The following ZKSCAN1 variants were observed in gnomAD, a reference collection of about 807,000 sequenced individuals.
ZKSCAN1 encodes zinc finger protein with KRAB and SCAN domains 1.
In ZKSCAN1, 14 loss-of-function variants were observed where a neutral mutation model predicts 51.6. That is an observed-to-expected ratio of 0.27 (90% CI 0.18 to 0.42). ZKSCAN1 has a LOEUF of 0.42. Among genes scored for constraint, ZKSCAN1 ranks in the 10% least tolerant of loss-of-function variants. ZKSCAN1 has a pLI of 1.00. For missense variants in ZKSCAN1, 531 were observed against 710.0 expected (o/e 0.75, Z 2.86); for synonymous variants, 263 against 261.5 (o/e 1.01, Z -0.06).
In ZKSCAN1 at chr7:100,036,642, C is replaced by A. The variant is rs1418992200; in HGVS notation, c.*2445C>A. The stretch of plus-strand genomic sequence containing the variant: ...CTGAGGCAGGAGAATCACTTGAACC[C>A]AGGAGGCAGAGGTTGCAGTGAGCCA... On this transcript the variant is annotated 3_prime_UTR_variant, in exon 6 of 6. Transcript: ENST00000324306. The A allele has an allele frequency of 1.7e-5, 14 of 826,036 alleles. No homozygotes were observed. The highest frequency in any genetic ancestry group is 2.0e-5 in the Non-Finnish European group (14 of 685,690). The allele number at this position is 826,036 out of a possible 1,614,324, so 51.2% of individuals were successfully genotyped here.
At chr7:100,026,892 A>G (rs900723248) in intron 3 of ZKSCAN1, among the ~76,000 whole-genome samples, 166 of 152,024 alleles carry the variant, frequency 1.1e-3, no homozygotes, top group African/African-American at 3.8e-3. Flanking sequence ...CCCCTATTCT[A>G]TAGGGGTTTT....
intron 1 of ZKSCAN1, among the ~76,000 whole-genome samples, chr7:100,020,743 A>G (rs186552895): frequency 3.9e-5 from 6 of 152,344 alleles, no homozygotes; most frequent in Non-Finnish European, 4.4e-5. Context: ...TGAGAGCCAT[A>G]AAACTAAAAA....
chr7:100,022,341 CT>C (rs1366511520), intron 1 of ZKSCAN1, among the ~76,000 whole-genome samples: 4 of 152,274 alleles, frequency 2.6e-5, no homozygotes, highest in Non-Finnish European at 4.4e-5. Context: ...GCATGAGCCA[CT>C]GCGCCCAGCC....
chr7:100,016,289 G>A (rs1790360858), intron 1 of ZKSCAN1, among the ~76,000 whole-genome samples: 1 of 152,156 alleles, frequency 6.6e-6, no homozygotes, highest in Admixed American at 6.6e-5. Context: ...CCTAGTCATA[G>A]TGGATAAATA....
chr7:100,030,194 A>T, intron 4 of ZKSCAN1, 55 bp from the exon 5 acceptor site: 18 of 1,591,738 alleles, frequency 1.1e-5, no homozygotes, highest in Non-Finnish European at 1.5e-5. Context: ...GGTTTGAGCA[A>T]TGGGATTGTC....
rs536966965 is a variant in ZKSCAN1, at chr7:100,035,494, T to C, written c.*1297T>C. On this transcript the variant is annotated 3_prime_UTR_variant, in exon 6 of 6. Coordinates refer to ENST00000324306, the MANE Select transcript of ZKSCAN1 (RefSeq NM_003439.4). ...GTTAGCTGCTGAACAGTATGATGAT[T>C]TGGGGATTTTCTGAATCATTTGTAC... 6.6e-6 allele frequency: 1 copy of C among 152,142 alleles called. No individual in the cohort carries two copies. The highest frequency in any genetic ancestry group is 2.4e-5 in the African/African-American group (1 of 41,442). 9.4% of individuals were successfully genotyped at this position (152,142 alleles called of 1,614,324 possible). A position where few individuals can be genotyped will look rare whatever the true frequency, so the allele number is the denominator to read the frequency against.
rs184051052 is a variant in ZKSCAN1 at position 100,033,957 on chromosome 7, G to A, written c.1452G>A (p.Thr484=). Reference sequence around the variant, plus strand: ...TCACCAAGCATCAGAGAATTCACACGGGGGAGAAACCCTATGAATGTAGTG... The same window carrying A: ...TCACCAAGCATCAGAGAATTCACACAGGGGAGAAACCCTATGAATGTAGTG... ...SDLTKHQRIH[T]GEKPYECSEC... Residue 484 remains threonine (T), a synonymous_variant, in exon 6 of 6, where the codon ACG becomes ACA. Coordinates refer to ENST00000324306, the MANE Select transcript of ZKSCAN1 (RefSeq NM_003439.4). The surrounding 1 kb of genome is among the most constrained non-coding windows in gnomAD (Gnocchi z 4.1). The A allele has an allele frequency of 4.2e-5, 68 of 1,614,072 alleles. No individual in the cohort carries two copies. The East Asian group carries it at 1.3e-3, about 31-fold the overall frequency.
intron 3 of ZKSCAN1, among the ~76,000 whole-genome samples, chr7:100,026,409 A>G (rs1790839970): frequency 6.6e-6 from 1 of 152,110 alleles, no homozygotes; most frequent in African/African-American, 2.4e-5. Flanking sequence ...GCTACACTAA[A>G]TTTATCTTTA....
intron 3 of ZKSCAN1, among the ~76,000 whole-genome samples, chr7:100,029,180 AAAAAAAAAACTT>A (rs1238264421): frequency 2.6e-5 from 4 of 151,724 alleles, no homozygotes; most frequent in African/African-American, 9.7e-5. Context: ...AAAAAAAAAA[AAAAAAAAAACTT>A]ACCCAGAGCT....
Position 100,040,160 on chromosome 7 carries a change from A to G in ZKSCAN1, c.*5963A>G. 5 of 985,420 alleles carry G rather than the reference A, an allele frequency of 5.1e-6. No individual in the cohort carries two copies. Among genetic ancestry groups the G allele is most frequent in the Non-Finnish European group, 4.8e-6 (4 of 829,908 alleles). The allele number at this position is 985,420 out of a possible 1,614,324, so 61.0% of individuals were successfully genotyped here. On this transcript the variant is annotated 3_prime_UTR_variant, in exon 6 of 6. Coordinates refer to ENST00000324306, the MANE Select transcript of ZKSCAN1 (RefSeq NM_003439.4). ...TCTGCAGGTCAAACGAAAGTTTGGG[A>G]AATACTTTTGACATCCCACAATACA...
Position 100,041,110 on chromosome 7 carries a change from A to T in ZKSCAN1, c.*6913A>T. On this transcript the variant is annotated 3_prime_UTR_variant, in exon 6 of 6. Coordinates refer to ENST00000324306, the MANE Select transcript of ZKSCAN1 (RefSeq NM_003439.4). ...CTAAATCTATATAGAGGGCTAACTC[A>T]GGCATTGTCTTGTTTATTTGTAGAC... 1 of 851,650 alleles carries T rather than the reference A, an allele frequency of 1.2e-6. No homozygotes were observed. Among genetic ancestry groups the T allele is most frequent in the South Asian group, 5.4e-5 (1 of 18,592 alleles). The allele number at this position is 851,650 out of a possible 1,614,324, so 52.8% of individuals were successfully genotyped here. A position where few individuals can be genotyped will look rare whatever the true frequency, so the allele number is the denominator to read the frequency against.
chr7:100,035,730 T>C lies in ZKSCAN1; in HGVS notation c.*1533T>C, dbSNP rs1791330485. ...CATCGTCATAGTGCACAGTGACTTTTCTGTTTCTTATCACTAAAGACTGAG... is the reference window on the plus strand; with the variant it reads ...CATCGTCATAGTGCACAGTGACTTTCCTGTTTCTTATCACTAAAGACTGAG... On this transcript the variant is annotated 3_prime_UTR_variant, in exon 6 of 6. Transcript: ENST00000324306. The C allele has an allele frequency of 1.8e-5, 10 of 566,462 alleles. No individual in the cohort carries two copies. Among genetic ancestry groups the C allele is most frequent in the Non-Finnish European group, 2.2e-5 (10 of 447,264 alleles). The allele number at this position is 566,462 out of a possible 1,614,324, so 35.1% of individuals were successfully genotyped here. A position where few individuals can be genotyped will look rare whatever the true frequency, so the allele number is the denominator to read the frequency against.
In ZKSCAN1 at chr7:100,023,952, A is replaced by G. The variant is rs779131592; in HGVS notation, c.426+20A>G. The G allele has an allele frequency of 3.9e-6, 6 of 1,555,762 alleles. No homozygotes were observed. In the East Asian group the frequency reaches 9.0e-5, roughly 23 times the overall value. On this transcript the variant is annotated intron_variant, in intron 2 of 5. Coordinates refer to ENST00000324306, the MANE Select transcript of ZKSCAN1 (RefSeq NM_003439.4). ...CAACAGGTAAAAAGAGGTGAAACCT[A>G]TTATGTGTGAGCAGGGCACAGACGT...
Position 100,041,297 on chromosome 7 carries a change from A to T in ZKSCAN1, c.*7100A>T. 1.0e-6 allele frequency: 1 copy of T among 984,912 alleles called. No homozygotes were observed. Among genetic ancestry groups the T allele is most frequent in the Non-Finnish European group, 1.2e-6 (1 of 829,480 alleles). The allele number at this position is 984,912 out of a possible 1,614,324, so 61.0% of individuals were successfully genotyped here. A position where few individuals can be genotyped will look rare whatever the true frequency, so the allele number is the denominator to read the frequency against. The stretch of plus-strand genomic sequence containing the variant: ...TTTTACTAGGTTCCGAAGAGTCCAG[A>T]TGCTTGGTAGATGTTCAATACGTGA... On this transcript the variant is annotated 3_prime_UTR_variant, in exon 6 of 6. Coordinates refer to ENST00000324306, the MANE Select transcript of ZKSCAN1 (RefSeq NM_003439.4).
At chr7:100,023,230 T>C (rs919076924) in intron 1 of ZKSCAN1, among the ~76,000 whole-genome samples, 189 bp from the exon 2 acceptor site, 1 of 152,096 alleles carries the variant, frequency 6.6e-6, no homozygotes, top group Non-Finnish European at 1.5e-5. Context: ...AGGCTGGTCT[T>C]GAACTCCTGA....
Position 100,037,724 on chromosome 7 carries a change from G to C in ZKSCAN1, c.*3527G>C, listed in dbSNP as rs1324273915. On this transcript the variant is annotated 3_prime_UTR_variant, in exon 6 of 6. Transcript: ENST00000324306. ...TGAATTTGAGAAACATTGCAAGAGG[G>C]AGCTCAATCTTGGCCGGGCGCCGTG... The C allele has an allele frequency of 2.0e-6, 2 of 985,322 alleles. No individual in the cohort carries two copies. The highest frequency in any genetic ancestry group is 3.5e-5 in the African/African-American group (2 of 57,248). 61.0% of individuals were successfully genotyped at this position (985,322 alleles called of 1,614,324 possible).
chr7:100,044,847 A>G (rs1791682603), downstream of ZKSCAN1: 1 of 985,208 alleles, frequency 1.0e-6, no homozygotes, highest in African/African-American at 1.7e-5. Flanking sequence ...GAAAAAGGAC[A>G]TGTTCGGAGT....
rs1562830964 is a variant in ZKSCAN1 at position 100,035,992 on chromosome 7, C to G, written c.*1795C>G. On this transcript the variant is annotated 3_prime_UTR_variant, in exon 6 of 6. Transcript: ENST00000324306. ...GTGTGACCTCCCCATAACAAGAGAA[C>G]CCCATATATAGTTTGAGACTTTCCC... 1 of 985,298 alleles carries G rather than the reference C, an allele frequency of 1.0e-6. No individual in the cohort carries two copies. The highest frequency in any genetic ancestry group is 1.2e-6 in the Non-Finnish European group (1 of 829,936). 61.0% of individuals were successfully genotyped at this position (985,298 alleles called of 1,614,324 possible).
intron 3 of ZKSCAN1, among the ~76,000 whole-genome samples, chr7:100,025,642 GTATACT>G (rs1790799296): frequency 6.6e-6 from 1 of 152,218 alleles, no homozygotes; most frequent in African/African-American, 2.4e-5. Context: ...ACATCATAAA[GTATACT>G]TATACAAACC....
Sources: gnomAD v4.1 joint callset for allele counts (sites outside exome capture counted in the v4.1 genomes callset) on GRCh38, gnomAD v4.1.1 for gene constraint, Gnocchi (gnomAD v3.1) non-coding constraint, MANE v1.5 for transcripts, NCBI Gene and HGNC (gene_info 2026-07-23, HGNC 2026-07-21) for gene names.